Variants in CHD2 observed in about 807,000 individuals in gnomAD.
CHD2 encodes the protein chromodomain helicase DNA binding protein 2.
In CHD2, 28 loss-of-function variants were observed where a neutral mutation model predicts 243.9. The ratio of observed to expected loss-of-function variants is 0.11; its 90% CI spans 0.09 to 0.16. The LOEUF is 0.16. Ranked by LOEUF, CHD2 falls within the 10% of genes least tolerant of loss-of-function variation. CHD2 has a pLI of 1.00. For missense variants in CHD2, 1,386 were observed against 2,209.8 expected (o/e 0.63, Z 7.47); for synonymous variants, 775 against 779.0 (o/e 0.99, Z 0.09).
In CHD2 at chr15:92,971,935, G is replaced by A; in HGVS notation, c.2352+8G>A. ...GGACAGGAGATTCTTCTGGTAGGTA[G>A]TTCCTCATAATTACTTTCTCAAAAA... On this transcript the variant is annotated splice_region_variant and intron_variant, in intron 18 of 38. Transcript: ENST00000394196. The A allele has an allele frequency of 6.3e-7, 1 of 1,599,860 alleles. No individual in the cohort carries two copies. Among genetic ancestry groups the A allele is most frequent in the Non-Finnish European group, 8.5e-7 (1 of 1,175,498 alleles).
chr15:93,025,709 G>A lies in CHD2; in HGVS notation c.*1004G>A, dbSNP rs117000079. The stretch of plus-strand genomic sequence containing the variant: ...TGCAATCACAAAGGTGGGGGTCCTG[G>A]TGCAGGCAGTGAACAGGCTTCTAAT... On this transcript the variant is annotated 3_prime_UTR_variant, in exon 39 of 39. Transcript: ENST00000394196. The A allele has an allele frequency of 0.012, 1,848 of 152,414 alleles. 25 individuals are homozygous for A. Among genetic ancestry groups the A allele is most frequent in the Admixed American group, 0.02 (300 of 15,308 alleles). 9.4% of individuals were successfully genotyped at this position (152,414 alleles called of 1,614,324 possible). A position where few individuals can be genotyped will look rare whatever the true frequency, so the allele number is the denominator to read the frequency against.
intron 13 of CHD2, among the ~76,000 whole-genome samples, chr15:92,949,989 C>T (rs114900868): frequency 0.012 from 1,833 of 152,258 alleles, 37 homozygotes; most frequent in African/African-American, 0.042. Context: ...TTAAAACTTT[C>T]CTAAATAGAT....
chr15:92,901,220 A>G lies in CHD2; in HGVS notation c.-18A>G. 1 of 1,515,842 alleles carries G rather than the reference A, an allele frequency of 6.6e-7. No homozygotes were observed. The highest frequency in any genetic ancestry group is 1.1e-5 in the South Asian group (1 of 87,800). 93.9% of individuals were successfully genotyped at this position (1,515,842 alleles called of 1,614,324 possible). A position where few individuals can be genotyped will look rare whatever the true frequency, so the allele number is the denominator to read the frequency against. On this transcript the variant is annotated 5_prime_UTR_variant, in exon 2 of 39. Coordinates refer to ENST00000394196, the MANE Select transcript of CHD2 (RefSeq NM_001271.4). ...AAACACAGATTCCCCCTCCCCCTTAATATTTAAGAATTAAAAGATGATGAG... is the reference window on the plus strand; with the variant it reads ...AAACACAGATTCCCCCTCCCCCTTAGTATTTAAGAATTAAAAGATGATGAG...
Position 93,023,668 on chromosome 15 carries a change from G to GGT in CHD2, c.5154-704_5154-703insGT, listed in dbSNP as rs1555446601. On this transcript the variant is annotated intron_variant, in intron 38 of 38. Transcript: ENST00000394196. ...ATCTTTGCCAACACTTATTTCCTGG[G>GGT]TTTTTTTTTTGTGTTTTTTTTTAAT... 2.8e-3 allele frequency among the ~76,000 whole-genome samples: 381 copies of GGT among 138,270 alleles called. 3 individuals carry two copies. Among genetic ancestry groups the GGT allele is most frequent in the African/African-American group, 1.0e-2 (360 of 36,100 alleles). The allele number at this position is 138,270 out of a possible 152,430, so 90.7% of individuals were successfully genotyped here.
At position 92,992,874 on chromosome 15, in the gene CHD2, A is replaced by G; in HGVS notation, c.3471A>G (p.Ala1157=). ...TCCTCCTCAGGCTGGAGTGCATAGC[A>G]CGTGATGCTGAGCTGGTAGATAAGT... ...GLPLERLECI[A]RDAELVDKSV... Residue 1157 remains alanine (A), a synonymous_variant, in exon 28 of 39, where the codon GCA becomes GCG. Coordinates refer to ENST00000394196, the MANE Select transcript of CHD2 (RefSeq NM_001271.4). 2 of 1,613,700 alleles carry G rather than the reference A, an allele frequency of 1.2e-6. No individual in the cohort carries two copies. Among genetic ancestry groups the G allele is most frequent in the Non-Finnish European group, 8.5e-7 (1 of 1,180,014 alleles).
chr15:92,942,740 T>G, intron 8 of CHD2, 103 bp from the exon 9 acceptor site: 4 of 775,828 alleles, frequency 5.2e-6, no homozygotes, highest in Non-Finnish European at 7.9e-6. Context: ...AGTATTTTGG[T>G]GCTTCATCCA....
intron 16 of CHD2, among the ~76,000 whole-genome samples, chr15:92,966,273 A>G (rs1002967003): frequency 1.3e-5 from 2 of 151,874 alleles, no homozygotes; most frequent in African/African-American, 4.8e-5. Context: ...CATGTTGGCC[A>G]GGCTGGTCTC....
rs1341553376 is a variant in CHD2 at position 92,992,856 on chromosome 15, C to T, written c.3456-3C>T. On this transcript the variant is annotated splice_region_variant and splice_polypyrimidine_tract_variant and intron_variant, in intron 27 of 38. Transcript: ENST00000394196. ...AAGTGTCCCCATATTTGTTCCTCCTCAGGCTGGAGTGCATAGCACGTGATG... is the reference window on the plus strand; with the variant it reads ...AAGTGTCCCCATATTTGTTCCTCCTTAGGCTGGAGTGCATAGCACGTGATG... 1.2e-6 allele frequency: 2 copies of T among 1,612,822 alleles called. No individual in the cohort carries two copies. Among genetic ancestry groups the T allele is most frequent in the Admixed American group, 3.3e-5 (2 of 60,016 alleles).
At chr15:93,019,087 G>A (rs938568279) in intron 37 of CHD2, among the ~76,000 whole-genome samples, 5 of 152,196 alleles carry the variant, frequency 3.3e-5, no homozygotes, top group Non-Finnish European at 7.3e-5. Flanking sequence ...GCCTTAATCC[G>A]TAAGAGACAG....
Position 92,901,173 on chromosome 15 carries a change from C to T in CHD2, c.-65C>T. 2 of 936,318 alleles carry T rather than the reference C, an allele frequency of 2.1e-6. No homozygotes were observed. Among genetic ancestry groups the T allele is most frequent in the East Asian group, 2.5e-5 (1 of 39,704 alleles). The allele number at this position is 936,318 out of a possible 1,614,324, so 58.0% of individuals were successfully genotyped here. ...TTCTTTCAACTTTTGACAGTAAATACCTGGGCACAGGACTTCAAAGCAAAC... is the reference window on the plus strand; with the variant it reads ...TTCTTTCAACTTTTGACAGTAAATATCTGGGCACAGGACTTCAAAGCAAAC... On this transcript the variant is annotated 5_prime_UTR_variant, in exon 2 of 39. Coordinates refer to ENST00000394196, the MANE Select transcript of CHD2 (RefSeq NM_001271.4).
At chr15:92,917,729 G>C (rs938726545) in intron 2 of CHD2, among the ~76,000 whole-genome samples, 4 of 152,174 alleles carry the variant, frequency 2.6e-5, no homozygotes, top group African/African-American at 9.7e-5. Flanking sequence ...GATACCTAAC[G>C]CTGATAGTTG....
At chr15:92,992,767 G>A in intron 27 of CHD2, 92 bp from the exon 28 acceptor site, 2 of 1,502,654 alleles carry the variant, frequency 1.3e-6, no homozygotes, top group South Asian at 1.2e-5. Flanking sequence ...GTCTTTGCAG[G>A]AGAAGATTAT....
rs780419311 is a variant in CHD2, at chr15:93,024,538, A to C, written c.5320A>C (p.Lys1774Gln). 2.5e-6 allele frequency: 4 copies of C among 1,614,162 alleles called. No homozygotes were observed. Among genetic ancestry groups the C allele is most frequent in the Non-Finnish European group, 3.4e-6 (4 of 1,180,040 alleles). Reference sequence around the variant, plus strand: ...CCACACAGATAAACTGGGGGAATATAAACAGCCTCTACCCCCATTGCACCC... The same window carrying C: ...CCACACAGATAAACTGGGGGAATATCAACAGCCTCTACCCCCATTGCACCC... ...SFHTDKLGEY[K>Q]QPLPPLHPAV... The change falls in exon 39 of 39, where the codon AAA becomes CAA. Residue 1774 changes from lysine to glutamine, a missense_variant. Physicochemically the swap from Lys to Gln is moderately conservative, Grantham distance 53. This residue lies in a region of CHD2 where 347 missense variants were observed against 341.6 expected (regional missense o/e 1.02). Transcript: ENST00000394196.
intron 14 of CHD2, among the ~76,000 whole-genome samples, chr15:92,954,937 A>G (rs753955823): frequency 1.3e-5 from 2 of 152,166 alleles, no homozygotes; most frequent in Non-Finnish European, 2.9e-5. Context: ...TACGTATTGC[A>G]TTATATTTTC....
intron 37 of CHD2, among the ~76,000 whole-genome samples, chr15:93,018,727 C>T (rs182187023): frequency 3.0e-4 from 45 of 152,288 alleles, no homozygotes; most frequent in Non-Finnish European, 4.6e-4. Context: ...CAGTTCTTGG[C>T]GTTCTTGACT....
At chr15:93,018,412 G>T (rs7164173) in intron 37 of CHD2, among the ~76,000 whole-genome samples, 23,842 of 152,082 alleles carry the variant, frequency 0.16, 2,056 homozygotes, top group East Asian at 0.21. Flanking sequence ...AAGCTGGAAG[G>T]CCAGTAAAAT....
rs74463740 is a variant in CHD2 at position 92,929,219 on chromosome 15, T to G, written c.443+128T>G. 1.4e-4 allele frequency: 109 copies of G among 802,210 alleles called. 2 individuals are homozygous for G. In the East Asian group the frequency reaches 2.9e-3, roughly 21 times the overall value. 49.7% of individuals were successfully genotyped at this position (802,210 alleles called of 1,614,324 possible). ...GTCTGCTTCTGTCTCTCTTACTAGC[T>G]CGGGTGACTGTCTACCTTGACCTGT... On this transcript the variant is annotated intron_variant, in intron 5 of 38. Coordinates refer to ENST00000394196, the MANE Select transcript of CHD2 (RefSeq NM_001271.4).
Position 92,997,410 on chromosome 15 carries a change from A to G in CHD2, c.3885+7A>G, listed in dbSNP as rs2141867702. 1.3e-6 allele frequency: 2 copies of G among 1,563,606 alleles called. No individual in the cohort carries two copies. The highest frequency in any genetic ancestry group is 2.4e-5 in the South Asian group (2 of 82,524). ...GCTTAAATTAACTGACAAAGTAAGT[A>G]ACCCTACCATGCTAGAGATTTCTAG... On this transcript the variant is annotated splice_region_variant and intron_variant, in intron 30 of 38. Coordinates refer to ENST00000394196, the MANE Select transcript of CHD2 (RefSeq NM_001271.4). This position sits in a 1 kb window ranked among gnomAD's most constrained non-coding sequence, Gnocchi z 4.1.
At chr15:92,918,578 A>G (rs2052886721) in intron 2 of CHD2, among the ~76,000 whole-genome samples, 1 of 152,138 alleles carries the variant, frequency 6.6e-6, no homozygotes, top group Admixed American at 6.5e-5. Flanking sequence ...GAAGGCTTAA[A>G]GGACTCCACT....
Sources: allele counts gnomAD v4.1 joint callset (sites outside exome capture counted in the v4.1 genomes callset), GRCh38; gene constraint gnomAD v4.1.1; regional missense constraint gnomAD v4.1.1; non-coding constraint Gnocchi (gnomAD v3.1); transcripts MANE v1.5; gene names NCBI Gene and HGNC (gene_info 2026-07-23, HGNC 2026-07-21).